Variants in CDIN1 observed in about 807,000 individuals in gnomAD.
The protein encoded by CDIN1 is CDAN1 interacting nuclease 1.
A neutral mutation model predicts 45.3 loss-of-function variants in CDIN1; 33 were observed. That is an observed-to-expected ratio of 0.73 (90% CI 0.55 to 0.97). The LOEUF (loss-of-function observed/expected upper bound fraction) is 0.97. Among genes scored for constraint, CDIN1 ranks in the 50% least tolerant of loss-of-function variants. The pLI is 0.00. For synonymous variants in CDIN1, 118 were observed against 124.4 expected, an observed-to-expected ratio of 0.95 and a Z score of 0.34; for missense variants, 303 against 339.4, an observed-to-expected ratio of 0.89 and a Z score of 0.84.
chr15:36,586,303 G>A (rs1566812155), intron 1 of CDIN1, among the ~76,000 whole-genome samples: 1 of 149,676 alleles, frequency 6.7e-6, no homozygotes, highest in African/African-American at 2.5e-5. Flanking sequence ...CTTGTTTCTC[G>A]TCACCCTTTT....
intron 5 of CDIN1, among the ~76,000 whole-genome samples, chr15:36,669,539 A>G (rs1436143987): frequency 6.7e-6 from 1 of 149,416 alleles, no homozygotes; most frequent in Non-Finnish European, 1.5e-5. Context: ...TTATCATCTT[A>G]TATTACTGTG....
intron 1 of CDIN1, among the ~76,000 whole-genome samples, chr15:36,642,330 G>A (rs2040142440): frequency 6.6e-6 from 1 of 152,194 alleles, no homozygotes; most frequent in Admixed American, 6.5e-5. Flanking sequence ...ATTCTCTACA[G>A]CTTTGAATTA....
At chr15:36,696,129 A>G (rs753064068) in intron 7 of CDIN1, among the ~76,000 whole-genome samples, 1 of 152,148 alleles carries the variant, frequency 6.6e-6, no homozygotes, top group Non-Finnish European at 1.5e-5. Flanking sequence ...TAAGGATTGT[A>G]ATTATGAGGA....
At chr15:36,777,914 C>G (rs1037502701) in intron 10 of CDIN1, among the ~76,000 whole-genome samples, 3 of 152,180 alleles carry the variant, frequency 2.0e-5, no homozygotes, top group African/African-American at 7.2e-5. Context: ...CCCAGCATCT[C>G]AAGTCTTCAA....
At chr15:36,764,790 A>G (rs952638174) in intron 10 of CDIN1, among the ~76,000 whole-genome samples, 2 of 152,188 alleles carry the variant, frequency 1.3e-5, no homozygotes, top group Admixed American at 6.5e-5. Flanking sequence ...ATTTCTGGCC[A>G]TTGGAATGCA....
chr15:36,798,516 T>C (rs2141116455), intron 10 of CDIN1: 1 of 152,362 alleles, frequency 6.6e-6, no homozygotes, highest in South Asian at 2.1e-4. Context: ...CAAAGCATTG[T>C]GTCACATTTG....
intron 1 of CDIN1, among the ~76,000 whole-genome samples, chr15:36,611,286 C>G (rs1391142947): frequency 6.6e-6 from 1 of 152,106 alleles, no homozygotes; most frequent in Non-Finnish European, 1.5e-5. Context: ...AGAAGCAATG[C>G]CTTTTGAATA....
Position 36,686,519 on chromosome 15 carries a change from C to G in CDIN1, c.347-5166C>G, listed in dbSNP as rs978540641. ...GCACATGTATACATATGTAACTAAC[C>G]TGCACAATGTGCACATGTACCCTAA... On this transcript the variant is annotated intron_variant, in intron 5 of 10. Transcript: ENST00000566621. Among the ~76,000 whole-genome samples the G allele has an allele frequency of 6.8e-3, 1,017 of 149,272 alleles. 15 individuals are homozygous for G. The highest frequency in any genetic ancestry group is 0.024 in the African/African-American group (952 of 40,380).
rs540831200 is a variant in CDIN1, at chr15:36,807,239, A to G, written c.717-1085A>G. ...AGTTTTGGCAAGTACACTACAGCAT[A>G]TAATAAATCATGGAAGGCAAAAGCT... On this transcript the variant is annotated intron_variant, in intron 10 of 10. Coordinates refer to ENST00000566621, the MANE Select transcript of CDIN1 (RefSeq NM_001321759.2). 3.3e-5 allele frequency among the ~76,000 whole-genome samples: 5 copies of G among 152,334 alleles called. No homozygotes were observed. The South Asian group carries it at 8.3e-4, about 25-fold the overall frequency.
intron 1 of CDIN1, among the ~76,000 whole-genome samples, chr15:36,607,071 G>A (rs113371014): frequency 1.2e-4 from 19 of 152,234 alleles, no homozygotes; most frequent in Admixed American, 6.5e-4. Context: ...TGGTCCCTAC[G>A]TTTGTGAGGT....
At chr15:36,631,543 A>G (rs1347153375) in intron 1 of CDIN1, among the ~76,000 whole-genome samples, 1 of 152,118 alleles carries the variant, frequency 6.6e-6, no homozygotes, top group Non-Finnish European at 1.5e-5. Context: ...TTCCATTCAT[A>G]TATTTTACAG....
chr15:36,760,117 G>A (rs990979358), intron 10 of CDIN1, among the ~76,000 whole-genome samples: 3 of 152,150 alleles, frequency 2.0e-5, no homozygotes, highest in African/African-American at 7.2e-5. Flanking sequence ...GTGACCCTTT[G>A]TAGTAGGTTC....
At chr15:36,608,889 C>T (rs1236315914) in intron 1 of CDIN1, among the ~76,000 whole-genome samples, 3 of 151,696 alleles carry the variant, frequency 2.0e-5, no homozygotes, top group African/African-American at 7.3e-5. Context: ...AATTTTTTCC[C>T]TTTTCGCTTT....
At chr15:36,747,215 C>G in intron 10 of CDIN1, 1 of 376,474 alleles carries the variant, frequency 2.7e-6, no homozygotes, top group Non-Finnish European at 4.7e-6. Flanking sequence ...TATTATCTCT[C>G]TAAATAAAAG....
At chr15:36,635,345 A>T (rs2039853148) in intron 1 of CDIN1, among the ~76,000 whole-genome samples, 1 of 152,244 alleles carries the variant, frequency 6.6e-6, no homozygotes, top group Non-Finnish European at 1.5e-5. Context: ...CCCTTGAACA[A>T]CATGGGTTTG....
At chr15:36,721,098 A>AT (rs35094944) in intron 10 of CDIN1, among the ~76,000 whole-genome samples, 93,983 of 151,924 alleles carry the variant, frequency 0.62, 29,450 homozygotes, top group African/African-American at 0.71. Flanking sequence ...GTCTGTTCAT[A>AT]TCCTTTGCCC....
In CDIN1 at chr15:36,654,071, A is replaced by G. The variant is rs185859592; in HGVS notation, c.213-27A>G. ...TATGCTGGCCTTTTCTTGTCACTGC[A>G]TTACCACTTGGCTTTGTCTTGTCTA... On this transcript the variant is annotated intron_variant, in intron 3 of 10. Transcript: ENST00000566621. 51 of 1,554,142 alleles carry G rather than the reference A, an allele frequency of 3.3e-5. No individual in the cohort carries two copies. The East Asian group carries it at 7.5e-4, about 23-fold the overall frequency.
chr15:36,735,457 G>A (rs957443142), intron 10 of CDIN1, among the ~76,000 whole-genome samples: 3 of 151,836 alleles, frequency 2.0e-5, no homozygotes, highest in Admixed American at 2.0e-4. Context: ...TTTTAAATAT[G>A]CTTATCTTAA....
rs904542296 is a variant in CDIN1 at position 36,808,832 on chromosome 15, C to G, written c.*379C>G. ...TTCTCCTCCCAGTTACCGAATCACC[C>G]TCTTATTTTTTTTTCCCTAAGCCTC... On this transcript the variant is annotated 3_prime_UTR_variant, in exon 11 of 11. Transcript: ENST00000566621. 8.5e-5 allele frequency: 39 copies of G among 456,642 alleles called. No individual in the cohort carries two copies. Among genetic ancestry groups the G allele is most frequent in the African/African-American group, 7.4e-4 (37 of 49,746 alleles). 28.3% of individuals were successfully genotyped at this position (456,642 alleles called of 1,614,324 possible).
Sources: gnomAD v4.1 joint callset for allele counts (sites outside exome capture counted in the v4.1 genomes callset) on GRCh38, gnomAD v4.1.1 for gene constraint, MANE v1.5 for transcripts, NCBI Gene and HGNC (gene_info 2026-07-23, HGNC 2026-07-21) for gene names.